LGSN: variants seen among roughly 807,000 people sequenced by gnomAD.
LGSN encodes lengsin.
A neutral mutation model predicts 19.5 loss-of-function variants in LGSN; 21 were observed. That is an observed-to-expected ratio of 1.07 (90% confidence interval 0.76 to 1.55). LGSN has a LOEUF of 1.55. LGSN is among the 40% of genes most tolerant of loss of function. The pLI, the probability that LGSN is intolerant of heterozygous loss-of-function variation, is 0.00. For missense variants in LGSN, 673 were observed against 608.5 expected (o/e 1.11, Z -1.12); for synonymous variants, 257 against 215.6 (o/e 1.19, Z -1.68).
chr6:63,294,915 T>C lies in LGSN; in HGVS notation c.161A>G (p.Asn54Ser), dbSNP rs139735367. ...EVGETDMSNSNDCMRDSSQIL... is the reference protein window; with the variant it reads ...EVGETDMSNSSDCMRDSSQIL... ...GAGGACTCAGAGTAGTTAGATACCA[T>C]TTGAATTGGACATATCCGTTTCTCC... Residue 54 changes from asparagine to serine, a missense_variant and splice_region_variant, in exon 2 of 4, where the codon AAT (asparagine) becomes AGT (serine). By Grantham distance (46) the Asn-to-Ser change is conservative (BLOSUM62 1). Transcript: ENST00000370657. 56 of 1,613,796 alleles carry C rather than the reference T, an allele frequency of 3.5e-5. No individual in the cohort carries two copies. The African/African-American group carries it at 6.5e-4, about 19-fold the overall frequency.
chr6:63,572,974 C>G, the LGSN span, among the ~76,000 whole-genome samples: 1 of 152,134 alleles, frequency 6.6e-6, no homozygotes, highest in East Asian at 1.9e-4. Flanking sequence ...CTTTTGAGTC[C>G]CTCCCGAGCC....
At chr6:63,525,048 C>A in the LGSN span, among the ~76,000 whole-genome samples, 1 of 152,200 alleles carries the variant, frequency 6.6e-6, no homozygotes, top group East Asian at 1.9e-4. Flanking sequence ...TTAGCTTAGA[C>A]AGACTAGAGC....
the LGSN span, among the ~76,000 whole-genome samples, chr6:63,412,734 A>AGG: frequency 2.2e-5 from 1 of 45,548 alleles, no homozygotes; most frequent in South Asian, 8.5e-4. Flanking sequence ...AAAGAAAGAA[A>AGG]GAAAGAAAGA....
the LGSN span, among the ~76,000 whole-genome samples, chr6:63,466,373 C>A: frequency 6.6e-6 from 1 of 152,186 alleles, no homozygotes; most frequent in African/African-American, 2.4e-5. Context: ...CATCCTCCTG[C>A]CTCAGCCTCC....
At chr6:63,462,602 A>G in the LGSN span, among the ~76,000 whole-genome samples, 1 of 152,182 alleles carries the variant, frequency 6.6e-6, no homozygotes, top group Non-Finnish European at 1.5e-5. Flanking sequence ...ACCACTGCAC[A>G]AAACAAATAT....
the LGSN span, among the ~76,000 whole-genome samples, chr6:63,505,176 T>TA: frequency 6.6e-6 from 1 of 151,870 alleles, no homozygotes; most frequent in Non-Finnish European, 1.5e-5. Flanking sequence ...CTTGCTTTTT[T>TA]TTTTTTTAAC....
chr6:63,392,815 C>T, the LGSN span, among the ~76,000 whole-genome samples: 6 of 151,468 alleles, frequency 4.0e-5, no homozygotes, highest in Admixed American at 2.6e-4. Context: ...TCTGTAAAAC[C>T]GAGCTGCAGA....
the LGSN span, among the ~76,000 whole-genome samples, chr6:63,337,640 C>A: frequency 1.3e-5 from 2 of 150,520 alleles, no homozygotes; most frequent in Non-Finnish European, 3.0e-5. Flanking sequence ...CATCTCTACA[C>A]AAAATACAAA....
upstream of LGSN, chr6:63,320,005 G>T: frequency 8.3e-7 from 1 of 1,199,710 alleles, no homozygotes; most frequent in Non-Finnish European, 1.2e-6. Flanking sequence ...CATTCAACAT[G>T]TATTTATATG....
the LGSN span, among the ~76,000 whole-genome samples, chr6:63,458,877 A>G: frequency 1.3e-5 from 2 of 152,188 alleles, no homozygotes; most frequent in Non-Finnish European, 2.9e-5. Flanking sequence ...GGCAATGGAA[A>G]ATTTCTCAAA....
chr6:63,514,673 G>A, the LGSN span, among the ~76,000 whole-genome samples: 1 of 152,108 alleles, frequency 6.6e-6, no homozygotes, highest in Non-Finnish European at 1.5e-5. Context: ...GTGTTGTTGT[G>A]GTTTGTTAAG....
At chr6:63,366,212 C>G in the LGSN span, among the ~76,000 whole-genome samples, 1 of 152,194 alleles carries the variant, frequency 6.6e-6, no homozygotes, top group African/African-American at 2.4e-5. Context: ...CCTAAAATCT[C>G]CTTAAGCTGA....
chr6:63,370,202 A>G, the LGSN span, among the ~76,000 whole-genome samples: 1 of 152,226 alleles, frequency 6.6e-6, no homozygotes, highest in Non-Finnish European at 1.5e-5. Flanking sequence ...GTCACATTGC[A>G]AAGTCAGAGC....
At chr6:63,444,126 C>T in the LGSN span, among the ~76,000 whole-genome samples, 55 of 152,142 alleles carry the variant, frequency 3.6e-4, no homozygotes, top group Non-Finnish European at 7.1e-4. Flanking sequence ...TGATGCCTCT[C>T]GAGTCTTTAT....
rs567921489 is a variant in LGSN at position 63,306,075 on chromosome 6, A to C, written c.31-11030T>G. Among the ~76,000 whole-genome samples the C allele has an allele frequency of 6.8e-4, 103 of 152,282 alleles. 1 individual carries two copies. The highest frequency in any genetic ancestry group is 4.6e-3 in the Admixed American group (70 of 15,288). On this transcript the variant is annotated intron_variant, in intron 1 of 3. Transcript: ENST00000370657. ...GAGTGAGACTCTGTCTCAACAACAA[A>C]AAAATAAAGTCTTTAAAATAATACC...
the LGSN span, among the ~76,000 whole-genome samples, chr6:63,381,230 A>G: frequency 6.6e-6 from 1 of 152,172 alleles, no homozygotes; most frequent in East Asian, 1.9e-4. Context: ...TTTGAGAGAC[A>G]GCAGCTTATG....
At chr6:63,310,923 G>A (rs1272157773) in intron 1 of LGSN, among the ~76,000 whole-genome samples, 1 of 152,154 alleles carries the variant, frequency 6.6e-6, no homozygotes, top group Non-Finnish European at 1.5e-5. Context: ...CTGCTAAAGT[G>A]TTGGCTAACT....
the LGSN span, among the ~76,000 whole-genome samples, chr6:63,466,120 G>A: frequency 6.6e-6 from 1 of 152,120 alleles, no homozygotes; most frequent in African/African-American, 2.4e-5. Flanking sequence ...GGCTAGTCTT[G>A]AACTCCTGGC....
At chr6:63,429,193 T>C in the LGSN span, among the ~76,000 whole-genome samples, 1 of 152,160 alleles carries the variant, frequency 6.6e-6, no homozygotes, top group Non-Finnish European at 1.5e-5. Context: ...GTGACAAAAT[T>C]AGTAACAATA....
Sources: gnomAD v4.1 joint callset for allele counts (sites outside exome capture counted in the v4.1 genomes callset) on GRCh38, gnomAD v4.1.1 for gene constraint, MANE v1.5 for transcripts, NCBI Gene and HGNC (gene_info 2026-07-23, HGNC 2026-07-21) for gene names.